CTNNA3: variants seen among roughly 807,000 people sequenced by gnomAD.
CTNNA3 encodes catenin alpha 3.
CTNNA3 carries 76 observed loss-of-function variants against 95.7 expected under a neutral mutation model. That is an observed-to-expected ratio of 0.79 (90% CI 0.66 to 0.96). The LOEUF (loss-of-function observed/expected upper bound fraction) is 0.96, where lower values mean the gene tolerates loss of function less well. Ranked by LOEUF, CTNNA3 falls within the 40% of genes least tolerant of loss-of-function variation. The probability of loss-of-function intolerance (pLI) is 0.00; values close to 1 mark genes in which losing one functional copy is unlikely to be tolerated. For missense variants in CTNNA3, 1,191 were observed against 1,089.8 expected, an observed-to-expected ratio of 1.09 and a Z score of -1.31; for synonymous variants, 431 against 374.4, an observed-to-expected ratio of 1.15 and a Z score of -1.74.
In CTNNA3 at chr10:66,621,701, C is replaced by G; in HGVS notation, c.1365G>C (p.Leu455Phe). Residue 455 changes from leucine to phenylalanine, a missense_variant, in exon 10 of 18, where the codon TTG becomes TTC. Coordinates refer to ENST00000433211, the MANE Select transcript of CTNNA3 (RefSeq NM_013266.4). ...AACTTAGTTGTCATACCTGTGGACA[C>G]AAGGTTTCCAAATGATTGGCTGCAA... ...VKIAANHLET[L>F]CPQIINAALA... is the part of the protein sequence containing the mutation. 1 of 1,600,744 alleles carries G rather than the reference C, an allele frequency of 6.2e-7. No homozygotes were observed. The highest frequency in any genetic ancestry group is 8.5e-7 in the Non-Finnish European group (1 of 1,169,942).
chr10:66,304,622 C>T (rs1208072150), intron 12 of CTNNA3, among the ~76,000 whole-genome samples: 1 of 151,942 alleles, frequency 6.6e-6, no homozygotes, highest in Non-Finnish European at 1.5e-5. Flanking sequence ...GTGGAGAAAG[C>T]AAGTTGAAGA....
At chr10:67,188,742 T>TA (rs1589840594) in intron 6 of CTNNA3, among the ~76,000 whole-genome samples, 1 of 152,300 alleles carries the variant, frequency 6.6e-6, no homozygotes. Context: ...GGAATCACCC[T>TA]AAATGTCTAC....
At chr10:66,068,683 G>A (rs947464109) in intron 15 of CTNNA3, among the ~76,000 whole-genome samples, 8 of 152,114 alleles carry the variant, frequency 5.3e-5, no homozygotes, top group African/African-American at 1.9e-4. Context: ...CACCACGACT[G>A]AATTATTTTA....
intron 6 of CTNNA3, 36 bp from the exon 7 acceptor site, chr10:67,180,556 A>C: frequency 5.3e-6 from 8 of 1,498,362 alleles, no homozygotes; most frequent in African/African-American, 1.4e-5. Flanking sequence ...TTAGAGCTCC[A>C]TGGCATTTCA....
chr10:66,042,094 CT>C, intron 15 of CTNNA3, among the ~76,000 whole-genome samples: 1 of 152,230 alleles, frequency 6.6e-6, no homozygotes, highest in African/African-American at 2.4e-5. Context: ...ATCTCTGAGT[CT>C]TTTTGTCACG....
chr10:66,635,990 CTGTGTGTGTGTGTGTGTGTGTGTGTG>C (rs10527642), intron 9 of CTNNA3, among the ~76,000 whole-genome samples: 1 of 145,854 alleles, frequency 6.9e-6, no homozygotes, highest in Non-Finnish European at 1.5e-5. Context: ...TGGAAGAACA[CTGTGTGTGTGTGTGTGTGTGTGTGTG>C]TGTGTGTGTG....
upstream of CTNNA3, among the ~76,000 whole-genome samples, chr10:67,700,996 C>A (rs1044429820): frequency 2.6e-5 from 4 of 151,996 alleles, no homozygotes; most frequent in Non-Finnish European, 5.9e-5. Context: ...CCTCAGGAGC[C>A]AATGCGATCA....
At chr10:66,602,458 TGA>T (rs1282467705) in intron 10 of CTNNA3, among the ~76,000 whole-genome samples, 46 of 151,890 alleles carry the variant, frequency 3.0e-4, no homozygotes, top group African/African-American at 9.4e-4. Context: ...ATTTACTTAC[TGA>T]TTAATAATCA....
intron 15 of CTNNA3, among the ~76,000 whole-genome samples, chr10:66,052,792 G>A (rs1276596712): frequency 6.6e-6 from 1 of 151,930 alleles, no homozygotes; most frequent in Non-Finnish European, 1.5e-5. Flanking sequence ...GTTAAAATAT[G>A]GGCAAAGCAT....
intron 7 of CTNNA3, among the ~76,000 whole-genome samples, chr10:66,997,952 A>AC (rs1851451135): frequency 6.6e-6 from 1 of 152,076 alleles, no homozygotes; most frequent in Admixed American, 6.6e-5. Flanking sequence ...CTTCAAGTTC[A>AC]CTACCACTGC....
chr10:67,237,129 T>C (rs1223988759), intron 5 of CTNNA3, among the ~76,000 whole-genome samples: 4 of 23,270 alleles, frequency 1.7e-4, no homozygotes, highest in Admixed American at 6.1e-4. Flanking sequence ...GGTGTATGTA[T>C]ATATATATAT....
At chr10:67,250,410 T>C (rs1248979928) in intron 5 of CTNNA3, among the ~76,000 whole-genome samples, 6 of 152,092 alleles carry the variant, frequency 3.9e-5, no homozygotes, top group Admixed American at 2.0e-4. Flanking sequence ...AGAAATGGGG[T>C]TTCACTGTGT....
chr10:67,636,362 G>C (rs1049057754), intron 2 of CTNNA3, among the ~76,000 whole-genome samples: 1 of 152,078 alleles, frequency 6.6e-6, no homozygotes. Context: ...AAATAGCCAA[G>C]ACAATCCTAA....
At chr10:67,611,518 A>G (rs1843455100) in intron 2 of CTNNA3, among the ~76,000 whole-genome samples, 1 of 151,772 alleles carries the variant, frequency 6.6e-6, no homozygotes, top group African/African-American at 2.4e-5. Flanking sequence ...GGGTTTCACC[A>G]TGTTAGCCAG....
At chr10:66,152,280 G>GA (rs1043036430) in intron 13 of CTNNA3, among the ~76,000 whole-genome samples, 31 of 151,820 alleles carry the variant, frequency 2.0e-4, no homozygotes, top group African/African-American at 7.2e-4. Flanking sequence ...CAAGCACTTG[G>GA]AAAAATACCA....
chr10:67,216,016 T>C (rs1430079872), intron 6 of CTNNA3, among the ~76,000 whole-genome samples: 1 of 152,200 alleles, frequency 6.6e-6, no homozygotes, highest in Non-Finnish European at 1.5e-5. Context: ...TCATCTCTTT[T>C]AGTTCTTATA....
intron 9 of CTNNA3, among the ~76,000 whole-genome samples, chr10:66,645,324 TTTATA>T (rs540506737): frequency 2.8e-3 from 423 of 152,256 alleles, no homozygotes; most frequent in African/African-American, 8.8e-3. Context: ...ACATTTTGTA[TTTATA>T]TTATAATTTT....
rs553908230 is a variant in CTNNA3, at chr10:66,444,217, C to T, written c.1532-64865G>A. 1.1e-4 allele frequency among the ~76,000 whole-genome samples: 16 copies of T among 152,210 alleles called. No individual in the cohort carries two copies. In the South Asian group the frequency reaches 1.9e-3, roughly 18 times the overall value. ...ATCTGATTGGTGTACCTGAAAATGA[C>T]GGGGAGAATAGAACCAAGTTGGAAA... On this transcript the variant is annotated intron_variant, in intron 11 of 17. Transcript: ENST00000433211.
chr10:67,399,473 C>A (rs887060097), intron 5 of CTNNA3, among the ~76,000 whole-genome samples: 2 of 152,162 alleles, frequency 1.3e-5, no homozygotes, highest in African/African-American at 4.8e-5. Context: ...AAGTCATTGA[C>A]AACACTCCAT....
Sources: gnomAD v4.1 joint callset for allele counts (sites outside exome capture counted in the v4.1 genomes callset) on GRCh38, gnomAD v4.1.1 for gene constraint, MANE v1.5 for transcripts, NCBI Gene and HGNC (gene_info 2026-07-23, HGNC 2026-07-21) for gene names.